The following KCTD3 variants were observed in gnomAD, a reference collection of about 807,000 sequenced individuals.
KCTD3 encodes the protein potassium channel tetramerization domain containing 3, also known as BTB/POZ domain-containing protein KCTD3.
Under a neutral mutation model 85.8 loss-of-function variants are expected in KCTD3, and 41 were observed. The ratio of observed to expected loss-of-function variants is 0.48; its 90% CI spans 0.37 to 0.62. The LOEUF is 0.62. Among genes scored for constraint, KCTD3 ranks in the 20% least tolerant of loss-of-function variants. The probability of loss-of-function intolerance (pLI) is 0.00; values close to 1 mark genes in which losing one functional copy is unlikely to be tolerated. For synonymous variants in KCTD3, 338 were observed against 345.4 expected (o/e 0.98, Z 0.24); for missense variants, 724 against 989.9 (o/e 0.73, Z 3.60).
At chr1:215,591,929 C>T (rs1173710694) in intron 9 of KCTD3, among the ~76,000 whole-genome samples, 1 of 152,224 alleles carries the variant, frequency 6.6e-6, no homozygotes, top group East Asian at 1.9e-4. Flanking sequence ...TTTAATTGGA[C>T]TTACAGTTCC....
chr1:215,615,237 C>T (rs1655388986), intron 15 of KCTD3, among the ~76,000 whole-genome samples: 2 of 152,040 alleles, frequency 1.3e-5, no homozygotes. Flanking sequence ...AGTTCAGGCT[C>T]TTAATAGTGA....
chr1:215,587,823 A>G (rs1660069062), intron 9 of KCTD3, among the ~76,000 whole-genome samples: 1 of 152,226 alleles, frequency 6.6e-6, no homozygotes, highest in South Asian at 2.1e-4. Context: ...AAAATCCATC[A>G]GACTATTTTG....
chr1:215,606,233 C>G (rs528222694), intron 13 of KCTD3, among the ~76,000 whole-genome samples: 1 of 152,116 alleles, frequency 6.6e-6, no homozygotes, highest in Non-Finnish European at 1.5e-5. Flanking sequence ...TCTTGTCATT[C>G]TGGTGCCGTT....
At chr1:215,600,466 C>T (rs985371194) in intron 10 of KCTD3, among the ~76,000 whole-genome samples, 6 of 152,278 alleles carry the variant, frequency 3.9e-5, no homozygotes, top group African/African-American at 1.4e-4. Flanking sequence ...TCTTCACCCA[C>T]CAGCACTGAG....
At chr1:215,577,867 A>G (rs1659650729) in intron 5 of KCTD3, 134 bp from the exon 6 acceptor site, 2 of 1,391,554 alleles carry the variant, frequency 1.4e-6, no homozygotes, top group Non-Finnish European at 2.0e-6. Flanking sequence ...CATAGTAAAA[A>G]GATGTTGTCA....
At chr1:215,598,225 G>C (rs2102585870) in intron 10 of KCTD3, among the ~76,000 whole-genome samples, 1 of 152,234 alleles carries the variant, frequency 6.6e-6, no homozygotes, top group Non-Finnish European at 1.5e-5. Flanking sequence ...CTCAGTCCCT[G>C]AGAAGACTGG....
At chr1:215,586,012 A>G (rs1659993291) in intron 8 of KCTD3, among the ~76,000 whole-genome samples, 1 of 152,198 alleles carries the variant, frequency 6.6e-6, no homozygotes. Context: ...CAAGAGATTC[A>G]GTATGTGTCA....
intron 11 of KCTD3, 33 bp downstream of exon 11, chr1:215,601,987 T>A (rs1654851976): frequency 6.9e-7 from 1 of 1,439,238 alleles, no homozygotes. Context: ...TGCTCCTGCT[T>A]AATGTAATTT....
chr1:215,611,305 TTGTG>T (rs1473720736), intron 14 of KCTD3, among the ~76,000 whole-genome samples: 1 of 151,956 alleles, frequency 6.6e-6, no homozygotes, highest in Non-Finnish European at 1.5e-5. Flanking sequence ...TTATATAAAA[TTGTG>T]TGTGTGTTTT....
At chr1:215,577,102 A>C (rs186975238) in intron 4 of KCTD3, among the ~76,000 whole-genome samples, 2 of 150,554 alleles carry the variant, frequency 1.3e-5, no homozygotes, top group African/African-American at 4.9e-5. Context: ...GCATCATTTC[A>C]TCTGGATAAC....
chr1:215,579,461 T>C (rs1659716834), intron 7 of KCTD3, among the ~76,000 whole-genome samples: 1 of 152,038 alleles, frequency 6.6e-6, no homozygotes, highest in African/African-American at 2.4e-5. Context: ...TAATGGACAA[T>C]ATGTAACAAG....
Position 215,575,903 on chromosome 1 carries a change from A to G in KCTD3, c.186A>G (p.Ile62Met). Residue 62 changes from isoleucine to methionine, a missense_variant and splice_region_variant, in exon 4 of 18, where the codon ATA becomes ATG. Transcript: ENST00000259154. ...TAAAACTGTTCTCTTTTTTACAGAT[A>G]TTTATTGATAGAGATCCAGCAGCAT... is the stretch of plus-strand genomic sequence containing the variant. Reference protein sequence around the residue: ...ISTLRDETGAIFIDRDPAAFA... With the variant: ...ISTLRDETGAMFIDRDPAAFA... 1 of 1,521,286 alleles carries G rather than the reference A, an allele frequency of 6.6e-7. No homozygotes were observed. 94.2% of individuals were successfully genotyped at this position (1,521,286 alleles called of 1,614,324 possible).
At chr1:215,570,858 A>G (rs565461477) in intron 1 of KCTD3, among the ~76,000 whole-genome samples, 1 of 152,318 alleles carries the variant, frequency 6.6e-6, no homozygotes, top group South Asian at 2.1e-4. Flanking sequence ...TATGGGATAA[A>G]AAACAAATCA....
At chr1:215,618,573 G>A (rs141936742) in intron 15 of KCTD3, 27 of 219,422 alleles carry the variant, frequency 1.2e-4, no homozygotes, top group African/African-American at 4.4e-4. Flanking sequence ...TTCCTGATCC[G>A]TCAATGTGGA....
At chr1:215,592,311 C>T (rs1302790982) in intron 9 of KCTD3, among the ~76,000 whole-genome samples, 1 of 152,052 alleles carries the variant, frequency 6.6e-6, no homozygotes, top group Non-Finnish European at 1.5e-5. Context: ...CTCTCAGGTC[C>T]TCTGCTGCCT....
intron 10 of KCTD3, among the ~76,000 whole-genome samples, chr1:215,599,185 G>T (rs1258265186): frequency 6.6e-6 from 1 of 151,706 alleles, no homozygotes; most frequent in Non-Finnish European, 1.5e-5. Context: ...AATGAGAAGG[G>T]TTTTTTTTCA....
intron 13 of KCTD3, 81 bp from the exon 14 acceptor site, chr1:215,607,936 T>C (rs1655096453): frequency 9.1e-7 from 1 of 1,100,028 alleles, no homozygotes; most frequent in Non-Finnish European, 1.3e-6. Flanking sequence ...CTGATCTGTG[T>C]AATATAGATG....
intron 15 of KCTD3, among the ~76,000 whole-genome samples, chr1:215,612,255 T>G (rs754488602): frequency 6.6e-6 from 1 of 152,180 alleles, no homozygotes; most frequent in Non-Finnish European, 1.5e-5. Context: ...ACTTAAATAT[T>G]TTCCATCCCA....
intron 14 of KCTD3, among the ~76,000 whole-genome samples, chr1:215,608,479 A>T (rs1035131254): frequency 2.0e-5 from 3 of 151,936 alleles, no homozygotes; most frequent in Admixed American, 6.6e-5. Flanking sequence ...ATAACTGTGT[A>T]CATTTGACAT....
Sources: gnomAD v4.1 joint callset for allele counts (sites outside exome capture counted in the v4.1 genomes callset) on GRCh38, gnomAD v4.1.1 for gene constraint, MANE v1.5 for transcripts, NCBI Gene and HGNC (gene_info 2026-07-23, HGNC 2026-07-21) for gene names.